Variants in NBPF14 observed in about 807,000 individuals in gnomAD.
NBPF14 encodes the protein NBPF family member NBPF14.
A neutral mutation model predicts 91.2 loss-of-function variants in NBPF14; 104 were observed. The ratio of observed to expected loss-of-function variants is 1.14; its 90% CI spans 0.97 to 1.34. The LOEUF is 1.34. Ranked by LOEUF, NBPF14 falls within the 40% of genes most tolerant of loss-of-function variation. The pLI is 0.00. For synonymous variants in NBPF14, 294 were observed against 303.8 expected (o/e 0.97, Z 0.34); for missense variants, 908 against 783.0 (o/e 1.16, Z -1.91).
Position 148,557,658 on chromosome 1 carries a change from A to G in NBPF14, c.4955-116T>C, listed in dbSNP as rs1377978647. On this transcript the variant is annotated intron_variant, in intron 39 of 70. Transcript: ENST00000619423. ...GGCTCCTCAGCATGAGAACAGGACC[A>G]TGTGAGAGATATACTTCAGGAGGCC... 16 of 612,148 alleles carry G rather than the reference A, an allele frequency of 2.6e-5. 5 individuals are homozygous for G. The African/African-American group carries it at 4.3e-4, about 17-fold the overall frequency. The allele number at this position is 612,148 out of a possible 1,614,324, so 37.9% of individuals were successfully genotyped here. A position where few individuals can be genotyped will look rare whatever the true frequency, so the allele number is the denominator to read the frequency against.
chr1:148,587,520 T>C lies in NBPF14; in HGVS notation c.989-117A>G, dbSNP rs1404253291. 6.2e-5 allele frequency: 68 copies of C among 1,104,536 alleles called. 2 individuals are homozygous for C. Among genetic ancestry groups the C allele is most frequent in the Non-Finnish European group, 8.0e-5 (60 of 748,102 alleles). The allele number at this position is 1,104,536 out of a possible 1,614,324, so 68.4% of individuals were successfully genotyped here. ...GACAAAACTCTCCCCAGTACCAGGG[T>C]CTAGACAGGGATTTCAACATCTTTA... On this transcript the variant is annotated intron_variant, in intron 7 of 70. Coordinates refer to ENST00000619423, the Ensembl canonical transcript of NBPF14.
At chr1:148,585,201 T>C in exon 10 of NBPF14, 2 of 1,585,728 alleles carry the variant, frequency 1.3e-6, no homozygotes, top group Admixed American at 1.7e-5. Context: ...TTCATCGTCA[T>C]CGTTGTCATT....
intron 14 of NBPF14, among the ~76,000 whole-genome samples, chr1:148,577,563 CA>C (rs1660090505): frequency 1.3e-5 from 2 of 150,802 alleles, no homozygotes; most frequent in African/African-American, 5.0e-5. Flanking sequence ...CACACACACA[CA>C]CACACACACA....
At chr1:148,566,236 T>C in exon 29 of NBPF14, 4 of 606,432 alleles carry the variant, frequency 6.6e-6, no homozygotes, top group African/African-American at 2.7e-5. Flanking sequence ...TCAAGACAAC[T>C]GGAAGGAGTT....
chr1:148,534,478 G>A (rs1297297110), intron 69 of NBPF14, among the ~76,000 whole-genome samples: 95 of 151,900 alleles, frequency 6.3e-4, no homozygotes, highest in Non-Finnish European at 1.2e-3. Context: ...TATGGCCTGA[G>A]ACTAGGAAGA....
intron 40 of NBPF14, among the ~76,000 whole-genome samples, chr1:148,557,156 T>C (rs1656748168): frequency 8.9e-6 from 1 of 112,160 alleles, no homozygotes; most frequent in Non-Finnish European, 1.7e-5. Context: ...AACAGGACAC[T>C]CTGAGTTAGT....
chr1:148,533,531 C>T (rs1570886270), intron 70 of NBPF14, among the ~76,000 whole-genome samples: 1 of 150,682 alleles, frequency 6.6e-6, no homozygotes, highest in Non-Finnish European at 1.5e-5. Flanking sequence ...TCAAAGGACA[C>T]TCTGAGTTAG....
chr1:148,536,700 T>C (rs1655269791), intron 66 of NBPF14, among the ~76,000 whole-genome samples: 2 of 92,084 alleles, frequency 2.2e-5, no homozygotes, highest in Non-Finnish European at 3.9e-5. Flanking sequence ...AGTGCCCTCA[T>C]GACACACAGC....
At chr1:148,559,439 A>T (rs1397082356) in intron 37 of NBPF14, among the ~76,000 whole-genome samples, 1 of 133,510 alleles carries the variant, frequency 7.5e-6, no homozygotes, top group Non-Finnish European at 1.5e-5. Flanking sequence ...TGTTCATGGT[A>T]GCGAGGATTT....
At chr1:148,593,929 G>C (rs1286738870) in intron 2 of NBPF14, among the ~76,000 whole-genome samples, 1 of 149,928 alleles carries the variant, frequency 6.7e-6, no homozygotes, top group Non-Finnish European at 1.5e-5. Context: ...CAAGGAAGTT[G>C]ACAAGATGAT....
intron 7 of NBPF14, among the ~76,000 whole-genome samples, 165 bp from the exon 8 acceptor site, chr1:148,587,568 G>A (rs1661755879): frequency 6.8e-6 from 1 of 146,706 alleles, no homozygotes; most frequent in Non-Finnish European, 1.5e-5. Flanking sequence ...CTGACTTTCT[G>A]GCATCTGATC....
rs1376221284 is a variant in NBPF14 at position 148,559,814 on chromosome 1, C to G, written c.4708G>C (p.Gly1570Arg). ...TCACCATCCATGTCAACAGCCAAGCCAACACGCTGCTGCTCCAATATGTAA... is the reference window on the plus strand; with the variant it reads ...TCACCATCCATGTCAACAGCCAAGCGAACACGCTGCTGCTCCAATATGTAA... Residue 1570 changes from glycine (G) to arginine (R), a missense_variant, in exon 37 of 71, where the codon GGC becomes CGC. Around this residue, in one of 13 missense-constraint regions of NBPF14, gnomAD observed 447 missense variants for 189.1 expected, o/e 2.36. Coordinates refer to ENST00000619423, the Ensembl canonical transcript of NBPF14. The G allele has an allele frequency of 1.2e-5, 18 of 1,532,090 alleles. 1 individual carries two copies. Among genetic ancestry groups the G allele is most frequent in the South Asian group, 4.9e-5 (4 of 82,384 alleles). 94.9% of individuals were successfully genotyped at this position (1,532,090 alleles called of 1,614,324 possible).
chr1:148,534,210 C>T (rs1280977157), intron 69 of NBPF14, among the ~76,000 whole-genome samples: 1 of 150,750 alleles, frequency 6.6e-6, no homozygotes, highest in Non-Finnish European at 1.5e-5. Context: ...TCATTTGTCC[C>T]AAGTTTCTGC....
rs1201045125 is a variant in NBPF14 at position 148,533,362 on chromosome 1, C to A, written c.8724-114G>T. The A allele has an allele frequency of 2.6e-4, 140 of 531,230 alleles. 1 individual carries two copies. In the South Asian group the frequency reaches 2.7e-3, roughly 10 times the overall value. 32.9% of individuals were successfully genotyped at this position (531,230 alleles called of 1,614,324 possible). On this transcript the variant is annotated intron_variant, in intron 70 of 70. Coordinates refer to ENST00000619423, the Ensembl canonical transcript of NBPF14. The stretch of plus-strand genomic sequence containing the variant: ...TGGTTAGAAAAGAAAAAGGATAGAA[C>A]CATTAATGAGGTAAAAAAAAAATTT...
intron 28 of NBPF14, 73 bp from the exon 29 acceptor site, chr1:148,566,388 G>C: frequency 2.8e-6 from 2 of 702,722 alleles, no homozygotes; most frequent in South Asian, 3.0e-5. Flanking sequence ...TAGGTTTCAT[G>C]GGTAGCATAG....
At chr1:148,561,793 A>T (rs1657797469) in intron 34 of NBPF14, among the ~76,000 whole-genome samples, 2 of 97,864 alleles carry the variant, frequency 2.0e-5, no homozygotes, top group African/African-American at 4.5e-5. Flanking sequence ...ACACACACAC[A>T]CACACACAAA....
At chr1:148,593,472 G>C in intron 3 of NBPF14, 126 bp downstream of exon 3, 1 of 656,038 alleles carries the variant, frequency 1.5e-6, no homozygotes, top group Non-Finnish European at 2.7e-6. Flanking sequence ...TTTGTGTCAT[G>C]AGCCTGCCAT....
chr1:148,572,723 C>A (rs1322197308), intron 20 of NBPF14, 108 bp from the exon 21 acceptor site: 6 of 625,542 alleles, frequency 9.6e-6, no homozygotes, highest in Non-Finnish European at 1.7e-5. Flanking sequence ...AGAAAAAGGA[C>A]AGATCCATTA....
At chr1:148,576,221 T>C (rs2149532248) in intron 16 of NBPF14, among the ~76,000 whole-genome samples, 189 bp downstream of exon 16, 1 of 118,854 alleles carries the variant, frequency 8.4e-6, no homozygotes, top group South Asian at 3.0e-4. Context: ...CTATAGTAAG[T>C]GAGTAAATGA....
Sources: gnomAD v4.1 joint callset for allele counts (sites outside exome capture counted in the v4.1 genomes callset) on GRCh38, gnomAD v4.1.1 for gene constraint, gnomAD v4.1.1 regional missense constraint, MANE v1.5 for transcripts, NCBI Gene and HGNC (gene_info 2026-07-23, HGNC 2026-07-21) for gene names.